FARP1: variants seen among roughly 807,000 people sequenced by gnomAD.
FARP1 encodes the protein FERM, ARH/RhoGEF and pleckstrin domain protein 1, also known as FERM, ARHGEF and pleckstrin domain-containing protein 1.
FARP1 carries 52 observed loss-of-function variants against 128.8 expected under a neutral mutation model. The ratio of observed to expected loss-of-function variants is 0.40; its 90% CI spans 0.32 to 0.51. The LOEUF is 0.51. Among genes scored for constraint, FARP1 ranks in the 20% least tolerant of loss-of-function variants. The probability of loss-of-function intolerance (pLI) is 0.45; values close to 1 mark genes in which losing one functional copy is unlikely to be tolerated. For synonymous variants in FARP1, 580 were observed against 551.8 expected (o/e 1.05, Z -0.72); for missense variants, 1,333 against 1,367.9 (o/e 0.97, Z 0.40).
intron 13 of FARP1, chr13:98,402,757 C>T (rs2140095644): frequency 6.6e-6 from 1 of 152,202 alleles, no homozygotes; most frequent in South Asian, 2.1e-4. Flanking sequence ...GAAAACCTAA[C>T]TAACCAAACC....
At chr13:98,353,078 C>G (rs1888501838) in intron 3 of FARP1, among the ~76,000 whole-genome samples, 1 of 152,142 alleles carries the variant, frequency 6.6e-6, no homozygotes, top group Admixed American at 6.5e-5. Flanking sequence ...CCCATGAACT[C>G]TGAGTGAAAA....
At chr13:98,218,915 C>T (rs1881258119) in intron 2 of FARP1, among the ~76,000 whole-genome samples, 1 of 152,192 alleles carries the variant, frequency 6.6e-6, no homozygotes, top group African/African-American at 2.4e-5. Context: ...GTTTGTATGT[C>T]ATAAAAGACC....
At chr13:98,386,516 G>A (rs1018041513) in intron 8 of FARP1, among the ~76,000 whole-genome samples, 2 of 152,114 alleles carry the variant, frequency 1.3e-5, no homozygotes, top group Non-Finnish European at 2.9e-5. Flanking sequence ...GCACACACTT[G>A]AAGTGCATAG....
intron 2 of FARP1, among the ~76,000 whole-genome samples, chr13:98,280,329 A>G (rs781155105): frequency 1.4e-4 from 22 of 152,182 alleles, no homozygotes; most frequent in Middle Eastern, 3.2e-3. Flanking sequence ...CCCCACGGGA[A>G]ATGGCCCGAG....
At chr13:98,213,087 G>C in intron 1 of FARP1, 133 bp from the exon 2 acceptor site, 2 of 584,154 alleles carry the variant, frequency 3.4e-6, no homozygotes, top group Non-Finnish European at 5.8e-6. Context: ...TGAGTGAACC[G>C]ATGCCTCCCT....
At chr13:98,438,752 C>A in intron 19 of FARP1, 52 bp from the exon 20 acceptor site, 2 of 1,482,912 alleles carry the variant, frequency 1.3e-6, no homozygotes, top group Admixed American at 3.4e-5. Flanking sequence ...TGGCCGTCAG[C>A]CCTTGGGGTC....
chr13:98,237,426 G>A (rs533937378), intron 2 of FARP1, among the ~76,000 whole-genome samples: 1 of 152,322 alleles, frequency 6.6e-6, no homozygotes, highest in East Asian at 1.9e-4. Flanking sequence ...AATCATGACT[G>A]CATGAAATTA....
At chr13:98,372,368 A>G (rs1299671788) in intron 5 of FARP1, among the ~76,000 whole-genome samples, 1 of 152,064 alleles carries the variant, frequency 6.6e-6, no homozygotes, top group African/African-American at 2.4e-5. Flanking sequence ...TACAGGCCTG[A>G]GTCGCTGCAC....
intron 1 of FARP1, among the ~76,000 whole-genome samples, chr13:98,210,090 T>C (rs1481674829): frequency 1.3e-5 from 2 of 152,018 alleles, no homozygotes; most frequent in Non-Finnish European, 2.9e-5. Flanking sequence ...GAATGGCTTC[T>C]TGGGAAAGGG....
At chr13:98,229,136 A>G (rs1021830566) in intron 2 of FARP1, among the ~76,000 whole-genome samples, 1 of 152,238 alleles carries the variant, frequency 6.6e-6, no homozygotes, top group African/African-American at 2.4e-5. Flanking sequence ...AAGACATAGC[A>G]TGTGGACCTT....
intron 1 of FARP1, among the ~76,000 whole-genome samples, chr13:98,200,712 G>A (rs1476701741): frequency 7.9e-5 from 12 of 152,138 alleles, no homozygotes; most frequent in South Asian, 2.1e-4. Context: ...TGGAAAAGAG[G>A]AGAAAGGCCT....
Position 98,407,719 on chromosome 13 carries a change from G to A in FARP1, c.1415-1619G>A, listed in dbSNP as rs146114198. ...CTAACCAGTAGTCCGTGGGCAGGACGTCTGCCTTTTGTCATTCTCCAGGTA... is the reference window on the plus strand; with the variant it reads ...CTAACCAGTAGTCCGTGGGCAGGACATCTGCCTTTTGTCATTCTCCAGGTA... On this transcript the variant is annotated intron_variant, in intron 13 of 26. Coordinates refer to ENST00000319562, the MANE Select transcript of FARP1 (RefSeq NM_005766.4). Among the ~76,000 whole-genome samples the A allele has an allele frequency of 1.3e-3, 195 of 152,286 alleles. 1 individual carries two copies. Among genetic ancestry groups the A allele is most frequent in the Non-Finnish European group, 2.3e-3 (159 of 68,018 alleles).
chr13:98,282,720 T>C (rs1382837187), intron 2 of FARP1, among the ~76,000 whole-genome samples: 1 of 152,076 alleles, frequency 6.6e-6, no homozygotes, highest in East Asian at 1.9e-4. Context: ...CTGGCTAACA[T>C]GGTGAAACCC....
At chr13:98,309,190 G>T (rs1191623005) in intron 2 of FARP1, among the ~76,000 whole-genome samples, 2 of 101,620 alleles carry the variant, frequency 2.0e-5, no homozygotes, top group Non-Finnish European at 3.6e-5. Flanking sequence ...TTTTGGAGAC[G>T]GAGTCTCGCT....
intron 24 of FARP1, among the ~76,000 whole-genome samples, chr13:98,442,082 A>T (rs1189003281): frequency 6.6e-6 from 1 of 152,150 alleles, no homozygotes; most frequent in Non-Finnish European, 1.5e-5. Flanking sequence ...CATCATTGTG[A>T]TTGTGTTTTA....
intron 2 of FARP1, among the ~76,000 whole-genome samples, chr13:98,302,518 C>A (rs1268235310): frequency 2.6e-5 from 4 of 152,214 alleles, no homozygotes; most frequent in South Asian, 2.1e-4. Context: ...AGGCAAAAAG[C>A]ACTGCAGCCC....
intron 12 of FARP1, among the ~76,000 whole-genome samples, chr13:98,394,617 C>A (rs764225605): frequency 6.6e-6 from 1 of 152,162 alleles, no homozygotes; most frequent in Non-Finnish European, 1.5e-5. Context: ...GCCTGGGCAA[C>A]GTAGACCCCA....
intron 2 of FARP1, among the ~76,000 whole-genome samples, chr13:98,282,942 C>T (rs866180448): frequency 2.0e-5 from 3 of 152,170 alleles, no homozygotes; most frequent in Non-Finnish European, 4.4e-5. Context: ...GGAAAATTCT[C>T]TCCTGTCAAA....
At position 98,431,182 on chromosome 13, in the gene FARP1, T is replaced by A. The variant is rs376189432; in HGVS notation, c.2045T>A (p.Leu682His). 1.9e-6 allele frequency: 3 copies of A among 1,613,512 alleles called. No homozygotes were observed. The highest frequency in any genetic ancestry group is 2.7e-5 in the African/African-American group (2 of 74,920). Reference protein sequence around the residue: ...KVCYLPLNTFLLRPLHRLMHY... With the variant: ...KVCYLPLNTFHLRPLHRLMHY... ...TGTTACCTACCGCTCAACACCTTCC[T>A]CCTGCGGCCACTGCACCGGCTCATG... is the stretch of plus-strand genomic sequence containing the variant. The change falls in exon 18 of 27, where the codon CTC (leucine) becomes CAC (histidine). Residue 682 changes from leucine to histidine, a missense_variant. By Grantham distance (99) the Leu-to-His change is moderately conservative. Coordinates refer to ENST00000319562, the MANE Select transcript of FARP1 (RefSeq NM_005766.4).
Sources: gnomAD v4.1 joint callset for allele counts (sites outside exome capture counted in the v4.1 genomes callset) on GRCh38, gnomAD v4.1.1 for gene constraint, MANE v1.5 for transcripts, NCBI Gene and HGNC (gene_info 2026-07-23, HGNC 2026-07-21) for gene names.